PRKAR1B: variants seen among roughly 807,000 people sequenced by gnomAD.
PRKAR1B encodes cAMP-dependent protein kinase type I-beta regulatory subunit.
Under a neutral mutation model 46.5 loss-of-function variants are expected in PRKAR1B, and 22 were observed. The observed-to-expected ratio is 0.47, with a 90% CI of 0.34 to 0.68. The LOEUF is 0.68. Among genes scored for constraint, PRKAR1B ranks in the 30% least tolerant of loss-of-function variants. PRKAR1B has a pLI of 0.01. For missense variants in PRKAR1B, 445 were observed against 535.6 expected (o/e 0.83, Z 1.67); for synonymous variants, 259 against 217.7 (o/e 1.19, Z -1.67).
At chr7:556,307 G>T (rs1302606628) in intron 9 of PRKAR1B, among the ~76,000 whole-genome samples, 1 of 151,974 alleles carries the variant, frequency 6.6e-6, no homozygotes, top group Non-Finnish European at 1.5e-5. Context: ...GCATCCCAGA[G>T]GCCACCAAAG....
chr7:556,841 C>T (rs1412870441), intron 9 of PRKAR1B, among the ~76,000 whole-genome samples: 1 of 152,208 alleles, frequency 6.6e-6, no homozygotes, highest in Non-Finnish European at 1.5e-5. Context: ...GAGAGGGGGA[C>T]GCTGCCTCTG....
chr7:583,660 G>A (rs9769845), intron 8 of PRKAR1B, among the ~76,000 whole-genome samples: 55,384 of 136,042 alleles, frequency 0.41, 11,446 homozygotes, highest in African/African-American at 0.47. Flanking sequence ...ACACCCATGC[G>A]CACACACCCA....
intron 5 of PRKAR1B, 49 bp from the exon 6 acceptor site, chr7:606,288 C>G (rs766283562): frequency 1.3e-6 from 2 of 1,581,518 alleles, no homozygotes; most frequent in South Asian, 2.2e-5. Flanking sequence ...TCCAGACATA[C>G]AAGTTACAGT....
chr7:573,075 G>A (rs1166529866), intron 9 of PRKAR1B, among the ~76,000 whole-genome samples: 1 of 152,242 alleles, frequency 6.6e-6, no homozygotes, highest in East Asian at 1.9e-4. Context: ...CCCTGGACGT[G>A]CGGTCCACAG....
intron 4 of PRKAR1B, among the ~76,000 whole-genome samples, chr7:610,453 C>T (rs555950510): frequency 1.4e-4 from 21 of 152,308 alleles, no homozygotes; most frequent in African/African-American, 4.8e-4. Flanking sequence ...CTCATCTCCC[C>T]AGGGACGGAG....
At position 551,481 on chromosome 7, in the gene PRKAR1B, A is replaced by C. The variant is rs1200394262; in HGVS notation, c.892-11T>G. ...CACGGACGCGGTGCCCTGTGGGTGG[A>C]GGTGGACAGACGTGAGTGCCAGCCA... On this transcript the variant is annotated splice_polypyrimidine_tract_variant and intron_variant, in intron 9 of 10. Coordinates refer to ENST00000537384, the MANE Select transcript of PRKAR1B (RefSeq NM_001164760.2). The C allele has an allele frequency of 6.4e-7, 1 of 1,551,602 alleles. No homozygotes were observed. Among genetic ancestry groups the C allele is most frequent in the Admixed American group, 2.0e-5 (1 of 51,036 alleles).
Position 593,127 on chromosome 7 carries a change from G to A in PRKAR1B, c.708+3019C>T, listed in dbSNP as rs768036586. On this transcript the variant is annotated intron_variant, in intron 7 of 10. Transcript: ENST00000537384. The surrounding 1 kb of genome is among the most constrained non-coding windows in gnomAD (Gnocchi z 6.1). ...GGCCCCTGCCTGGGAGCCTAGAGGT[G>A]GGGTCACCCCATCCTTCCTCGGATA... Among the ~76,000 whole-genome samples the A allele has an allele frequency of 6.6e-6, 1 of 152,202 alleles. No homozygotes were observed. Among genetic ancestry groups the A allele is most frequent in the Non-Finnish European group, 1.5e-5 (1 of 68,024 alleles).
intron 1 of PRKAR1B, among the ~76,000 whole-genome samples, chr7:724,147 C>T (rs1038947709): frequency 9.2e-5 from 14 of 152,114 alleles, no homozygotes; most frequent in Admixed American, 3.9e-4. Flanking sequence ...CCATTCAGCC[C>T]GTAACACTCC....
intron 2 of PRKAR1B, among the ~76,000 whole-genome samples, chr7:699,420 C>T (rs757183789): frequency 2.6e-5 from 4 of 152,078 alleles, no homozygotes; most frequent in African/African-American, 7.2e-5. Context: ...CAGGAACAGC[C>T]GGGGTAGGAA....
intron 7 of PRKAR1B, among the ~76,000 whole-genome samples, chr7:588,207 C>A (rs1038931834): frequency 1.3e-5 from 2 of 152,044 alleles, no homozygotes; most frequent in African/African-American, 4.8e-5. Flanking sequence ...GGGACAAGGA[C>A]CCTAAGGACA....
chr7:586,695 C>A (rs141894212), intron 7 of PRKAR1B, among the ~76,000 whole-genome samples: 1 of 152,214 alleles, frequency 6.6e-6, no homozygotes, highest in Non-Finnish European at 1.5e-5. Flanking sequence ...TACACAGCCA[C>A]AGCTAACTAA....
At chr7:559,876 G>C (rs1778679037) in intron 9 of PRKAR1B, among the ~76,000 whole-genome samples, 1 of 152,182 alleles carries the variant, frequency 6.6e-6, no homozygotes, top group African/African-American at 2.4e-5. Context: ...AGGTGTTCAA[G>C]GTCAGCCTGC....
Position 606,258 on chromosome 7 carries a change from G to C in PRKAR1B, c.503-19C>G, listed in dbSNP as rs775731724. The stretch of plus-strand genomic sequence containing the variant: ...TCATTCCCTGTAACAAAAGAAGAAA[G>C]TCAACAGATACAAAGTACATCCAGA... On this transcript the variant is annotated intron_variant, in intron 5 of 10. Coordinates refer to ENST00000537384, the MANE Select transcript of PRKAR1B (RefSeq NM_001164760.2). 1.2e-6 allele frequency: 2 copies of C among 1,611,574 alleles called. No individual in the cohort carries two copies. The highest frequency in any genetic ancestry group is 1.7e-6 in the Non-Finnish European group (2 of 1,178,052).
intron 7 of PRKAR1B, among the ~76,000 whole-genome samples, chr7:592,168 C>T (rs1781013819): frequency 6.6e-6 from 1 of 152,198 alleles, no homozygotes; most frequent in South Asian, 2.1e-4. Context: ...ACCCTCAGCA[C>T]ATCACGGCTG....
intron 9 of PRKAR1B, among the ~76,000 whole-genome samples, chr7:558,975 G>T (rs1291235144): frequency 6.6e-6 from 1 of 152,226 alleles, no homozygotes; most frequent in Non-Finnish European, 1.5e-5. Flanking sequence ...TGGTGCCACA[G>T]GCGTGGACGG....
At chr7:615,785 G>A (rs1188114770) in intron 4 of PRKAR1B, among the ~76,000 whole-genome samples, 85 of 132,070 alleles carry the variant, frequency 6.4e-4, no homozygotes, top group African/African-American at 1.7e-4. Context: ...CCGAGATCGC[G>A]CCACTGCACT....
At chr7:616,231 T>G (rs193240362) in intron 4 of PRKAR1B, among the ~76,000 whole-genome samples, 20 of 152,350 alleles carry the variant, frequency 1.3e-4, no homozygotes, top group South Asian at 4.1e-4. Context: ...GGCAGCCCCC[T>G]GGCTCTCACT....
intron 9 of PRKAR1B, among the ~76,000 whole-genome samples, chr7:551,778 C>T (rs1344021010): frequency 1.5e-5 from 2 of 137,396 alleles, no homozygotes; most frequent in African/African-American, 2.7e-5. Flanking sequence ...GTCCTTCCCT[C>T]GGAGCCACTG....
chr7:707,842 A>T (rs1035834344), intron 2 of PRKAR1B, among the ~76,000 whole-genome samples: 112 of 151,834 alleles, frequency 7.4e-4, no homozygotes, highest in African/African-American at 2.6e-3. Flanking sequence ...ACCCAGAAGG[A>T]GCCATCCCAC....
Sources: allele counts gnomAD v4.1 joint callset (sites outside exome capture counted in the v4.1 genomes callset), GRCh38; gene constraint gnomAD v4.1.1; non-coding constraint Gnocchi (gnomAD v3.1); transcripts MANE v1.5; gene names NCBI Gene and HGNC (gene_info 2026-07-23, HGNC 2026-07-21).